ASPM: variants seen among roughly 807,000 people sequenced by gnomAD.
ASPM encodes abnormal spindle-like microcephaly-associated protein.
A neutral mutation model predicts 366.4 loss-of-function variants in ASPM; 256 were observed. That is an observed-to-expected ratio of 0.70 (90% CI 0.63 to 0.77). The LOEUF is 0.77. ASPM is among the 30% of genes least tolerant of loss of function. ASPM has a pLI of 0.00. For missense variants in ASPM, 4,146 were observed against 4,090.4 expected (o/e 1.01, Z -0.37); for synonymous variants, 1,414 against 1,342.9 (o/e 1.05, Z -1.16).
chr1:197,098,479 A>AT (rs1657051112), intron 18 of ASPM, among the ~76,000 whole-genome samples: 3 of 151,826 alleles, frequency 2.0e-5, no homozygotes, highest in East Asian at 1.9e-4. Flanking sequence ...AGAGAAAAAA[A>AT]TTTTTATAAG....
Position 197,146,540 on chromosome 1 carries a change from CT to C in ASPM, c.-104del, listed in dbSNP as rs1571634415. On this transcript the variant is annotated 5_prime_UTR_variant, in exon 1 of 28. Transcript: ENST00000367409. ...GCTGACCGCTTCCCCTCAGGGGCGG[CT>C]GTAGAGGTCGTGGGAGTGAATTCGG... 1 of 1,322,890 alleles carries C rather than the reference CT, an allele frequency of 7.6e-7. No homozygotes were observed. Among genetic ancestry groups the C allele is most frequent in the East Asian group, 2.4e-5 (1 of 41,564 alleles). The allele number at this position is 1,322,890 out of a possible 1,614,324, so 81.9% of individuals were successfully genotyped here. A position where few individuals can be genotyped will look rare whatever the true frequency, so the allele number is the denominator to read the frequency against.
chr1:197,133,088 T>C (rs538854178), intron 6 of ASPM, among the ~76,000 whole-genome samples: 1 of 152,312 alleles, frequency 6.6e-6, no homozygotes, highest in East Asian at 1.9e-4. Context: ...GTGACTTGTA[T>C]ACTTGAAATT....
intron 20 of ASPM, 77 bp downstream of exon 20, chr1:197,094,007 T>C (rs1359252986): frequency 1.9e-6 from 2 of 1,032,948 alleles, no homozygotes; most frequent in African/African-American, 3.3e-5. Context: ...TTTTTAAAAA[T>C]TAAAAAATAC....
chr1:197,117,824 C>T lies in ASPM; in HGVS notation c.4030G>A (p.Glu1344Lys), dbSNP rs1027354715. ...KLLMLKKEKL[E>K]KVQNKAASLI... ...GATGCTGCTTTATTTTGAACTTTTT[C>T]CAGCTTTTCCTTTTTTAACATTAAT... Residue 1344 changes from glutamate to lysine, a missense_variant, in exon 17 of 28, where the codon GAA becomes AAA. Transcript: ENST00000367409. The T allele has an allele frequency of 1.9e-6, 3 of 1,612,856 alleles. No homozygotes were observed. Among genetic ancestry groups the T allele is most frequent in the South Asian group, 1.1e-5 (1 of 90,824 alleles).
At chr1:197,124,588 G>A (rs2125105380) in intron 12 of ASPM, among the ~76,000 whole-genome samples, 1 of 152,046 alleles carries the variant, frequency 6.6e-6, no homozygotes, top group East Asian at 1.9e-4. Context: ...GGGATTTGGG[G>A]CCCATGGGAT....
chr1:197,129,622 T>G (rs144268731), intron 8 of ASPM, among the ~76,000 whole-genome samples: 2 of 152,146 alleles, frequency 1.3e-5, no homozygotes, highest in Admixed American at 6.5e-5. Flanking sequence ...ACCTACTACA[T>G]GCAGGCACCA....
chr1:197,103,740 G>A lies in ASPM; in HGVS notation c.5511C>T (p.Gly1837=). 1 of 1,612,562 alleles carries A rather than the reference G, an allele frequency of 6.2e-7. No homozygotes were observed. Among genetic ancestry groups the A allele is most frequent in the Non-Finnish European group, 8.5e-7 (1 of 1,179,208 alleles). Residue 1837 remains glycine (G), a synonymous_variant, in exon 18 of 28, where the codon GGC becomes GGT. Transcript: ENST00000367409. ...ATTGATATTTTACCCTTTTATTATA[G>A]CCTCTAAAAGCAGACTGAATTTTAA... ...AALKIQSAFR[G]YNKRVKYQSV...
At position 197,142,788 on chromosome 1, in the gene ASPM, C is replaced by G. The variant is rs892626054; in HGVS notation, c.1464G>C (p.Lys488Asn). 2 of 1,613,508 alleles carry G rather than the reference C, an allele frequency of 1.2e-6. No homozygotes were observed. Among genetic ancestry groups the G allele is most frequent in the African/African-American group, 2.7e-5 (2 of 74,896 alleles). ...ISSHSHNKQP[K>N]RRPILSATVT... ...CAGTGGCAGAAAGTATTGGACGTCTCTTAGGTTGTTTATTGTGGCTATGAC... is the reference window on the plus strand; with the variant it reads ...CAGTGGCAGAAAGTATTGGACGTCTGTTAGGTTGTTTATTGTGGCTATGAC... Residue 488 changes from lysine to asparagine, a missense_variant, in exon 3 of 28, where the codon AAG (lysine) becomes AAC (asparagine). Physicochemically the swap from Lys to Asn is moderately conservative, Grantham distance 94 (BLOSUM62 0). Around this residue, in one of 3 missense-constraint regions of ASPM, gnomAD observed 3,624 missense variants for 3,591.7 expected, o/e 1.01. Transcript: ENST00000367409.
intron 13 of ASPM, among the ~76,000 whole-genome samples, chr1:197,123,503 A>G (rs1252423131): frequency 2.0e-5 from 3 of 152,214 alleles, no homozygotes; most frequent in African/African-American, 7.2e-5. Context: ...TAGTTAAAAC[A>G]TAGAAGATTA....
chr1:197,142,844 GATT>G lies in ASPM; in HGVS notation c.1405_1407del (p.Asn469del), dbSNP rs763436954. ...ATATCCTGAACTGCAGAAAATTTAG[GATT>G]ATTTTGTTTTATAAAACTGTAGTAA... On this transcript the variant is annotated inframe_deletion, in exon 3 of 28. Transcript: ENST00000367409. The G allele has an allele frequency of 3.1e-6, 5 of 1,613,298 alleles. No individual in the cohort carries two copies. The highest frequency in any genetic ancestry group is 4.2e-6 in the Non-Finnish European group (5 of 1,179,398).
At chr1:197,090,799 G>T in intron 23 of ASPM, 51 bp downstream of exon 23, 2 of 1,521,542 alleles carry the variant, frequency 1.3e-6, no homozygotes, top group Non-Finnish European at 1.8e-6. Flanking sequence ...ATATCATGTA[G>T]ATGAATTGCA....
At chr1:197,126,361 AAC>A (rs1274114187) in intron 10 of ASPM, among the ~76,000 whole-genome samples, 2 of 149,546 alleles carry the variant, frequency 1.3e-5, no homozygotes, top group African/African-American at 2.5e-5. Flanking sequence ...GAATCGCTAG[AAC>A]ACAGAGGCAG....
intron 25 of ASPM, among the ~76,000 whole-genome samples, chr1:197,089,411 C>T (rs928759446): frequency 6.6e-6 from 1 of 151,994 alleles, no homozygotes; most frequent in Non-Finnish European, 1.5e-5. Context: ...TTCTTTCACA[C>T]ACTTTGCTAG....
chr1:197,127,277 G>A (rs1468486435), intron 10 of ASPM, among the ~76,000 whole-genome samples: 15 of 152,138 alleles, frequency 9.9e-5, no homozygotes, highest in Non-Finnish European at 1.9e-4. Context: ...AAGACTGCCT[G>A]CAATTAATTT....
chr1:197,115,013 C>T (rs10801591), intron 17 of ASPM, among the ~76,000 whole-genome samples: 115,988 of 152,076 alleles, frequency 0.76, 48,518 homozygotes, highest in East Asian at 0.98. Flanking sequence ...CCTCCCAAAG[C>T]GCTTGGGATT....
At chr1:197,096,885 C>G (rs747919823) in intron 18 of ASPM, among the ~76,000 whole-genome samples, 2 of 151,616 alleles carry the variant, frequency 1.3e-5, no homozygotes, top group Non-Finnish European at 2.9e-5. Context: ...TGGTTAAGAT[C>G]TCTGTTTTAT....
rs759105533 is a variant in ASPM at position 197,117,794 on chromosome 1, T to G, written c.4060A>C (p.Ile1354Leu). The G allele has an allele frequency of 6.2e-7, 1 of 1,611,566 alleles. No individual in the cohort carries two copies. The highest frequency in any genetic ancestry group is 8.5e-7 in the Non-Finnish European group (1 of 1,178,932). Residue 1354 changes from isoleucine to leucine, a missense_variant, in exon 17 of 28, where the codon ATT (isoleucine) becomes CTT (leucine). Ile to Leu is a conservative substitution (Grantham distance 5). Around this residue, in one of 3 missense-constraint regions of ASPM, gnomAD observed 3,624 missense variants for 3,591.7 expected, o/e 1.01. Coordinates refer to ENST00000367409, the MANE Select transcript of ASPM (RefSeq NM_018136.5). ...EKVQNKAASLIQGYWRRYSTR... is the reference protein window; with the variant it reads ...EKVQNKAASLLQGYWRRYSTR... Reference sequence around the variant, plus strand: ...ATTAGTCCAGGATACTATACCTGAATAAGTGATGCTGCTTTATTTTGAACT... The same window carrying G: ...ATTAGTCCAGGATACTATACCTGAAGAAGTGATGCTGCTTTATTTTGAACT...
chr1:197,139,797 T>C lies in ASPM; in HGVS notation c.1996A>G (p.Ser666Gly). ...TKPIIAVAQSSLTFIKPLKTD... is the reference protein window; with the variant it reads ...TKPIIAVAQSGLTFIKPLKTD... ...TTTAATGGTTTTATGAAGGTCAAACTGGACTGTGCCACAGCGATAATGGGT... is the reference window on the plus strand; with the variant it reads ...TTTAATGGTTTTATGAAGGTCAAACCGGACTGTGCCACAGCGATAATGGGT... The change falls in exon 4 of 28, where the codon AGT becomes GGT. Residue 666 changes from serine (S) to glycine (G), a missense_variant. This residue lies in a region of ASPM where 3,624 missense variants were observed against 3,591.7 expected (regional missense o/e 1.01). Coordinates refer to ENST00000367409, the MANE Select transcript of ASPM (RefSeq NM_018136.5). 6.2e-7 allele frequency: 1 copy of C among 1,611,700 alleles called. No homozygotes were observed. The highest frequency in any genetic ancestry group is 1.1e-5 in the South Asian group (1 of 91,046).
chr1:197,133,277 C>T (rs1658317545), intron 6 of ASPM, 73 bp downstream of exon 6: 7 of 1,495,510 alleles, frequency 4.7e-6, no homozygotes, highest in Non-Finnish European at 6.3e-6. Flanking sequence ...GTCAATAAAG[C>T]CGGGGGAAAA....
Sources: gnomAD v4.1 joint callset for allele counts (sites outside exome capture counted in the v4.1 genomes callset) on GRCh38, gnomAD v4.1.1 for gene constraint, gnomAD v4.1.1 regional missense constraint, MANE v1.5 for transcripts, NCBI Gene and HGNC (gene_info 2026-07-23, HGNC 2026-07-21) for gene names.